The following EIF3B variants were observed in gnomAD, a reference collection of about 807,000 sequenced individuals.
EIF3B encodes eukaryotic translation initiation factor 3 subunit B, also known as eukaryotic translation initiation factor 3 subunit 9.
Under a neutral mutation model 104.6 loss-of-function variants are expected in EIF3B, and 10 were observed. That is an observed-to-expected ratio of 0.10 (90% CI 0.06 to 0.16). The LOEUF (loss-of-function observed/expected upper bound fraction) is 0.16, where lower values mean the gene tolerates loss of function less well. Among genes scored for constraint, EIF3B ranks in the 10% least tolerant of loss-of-function variants. The pLI is 1.00. For synonymous variants in EIF3B, 542 were observed against 417.2 expected, an observed-to-expected ratio of 1.30 and a Z score of -3.65; for missense variants, 1,014 against 1,087.9, an observed-to-expected ratio of 0.93 and a Z score of 0.96.
At chr7:2,375,189 CAT>C (rs1780566372) in intron 13 of EIF3B, 198 bp from the exon 14 acceptor site, 3 of 575,384 alleles carry the variant, frequency 5.2e-6, no homozygotes, top group Non-Finnish European at 9.3e-6. Context: ...TGATGGCAGT[CAT>C]ATGTAATACT....
chr7:2,369,087 CTTAA>C (rs1378891417), intron 9 of EIF3B, among the ~76,000 whole-genome samples: 1 of 152,156 alleles, frequency 6.6e-6, no homozygotes, highest in Admixed American at 6.5e-5. Context: ...CCATTTGCAC[CTTAA>C]TTAATCTTTA....
At chr7:2,362,075 TTAGCC>T (rs761363766) in intron 2 of EIF3B, among the ~76,000 whole-genome samples, 5 of 152,210 alleles carry the variant, frequency 3.3e-5, no homozygotes, top group Non-Finnish European at 5.9e-5. Context: ...TTCTCCTGCC[TTAGCC>T]TCCTGAGTAG....
intron 12 of EIF3B, 52 bp from the exon 13 acceptor site, chr7:2,374,476 C>A (rs534252645): frequency 2.5e-6 from 4 of 1,583,992 alleles, no homozygotes; most frequent in Non-Finnish European, 3.5e-6. Context: ...TTGGCTGCCC[C>A]GGCACTGTGG....
At chr7:2,366,076 T>G (rs1260085921) in intron 6 of EIF3B, among the ~76,000 whole-genome samples, 1 of 152,166 alleles carries the variant, frequency 6.6e-6, no homozygotes, top group East Asian at 1.9e-4. Flanking sequence ...CAGCCTTGTG[T>G]GGGATCGGTG....
chr7:2,375,910 G>C (rs755321602), intron 14 of EIF3B: 2 of 189,328 alleles, frequency 1.1e-5, no homozygotes, highest in Non-Finnish European at 2.2e-5. Flanking sequence ...CCCACAACTC[G>C]TATTCCAAAA....
chr7:2,363,865 T>C (rs1302031339), intron 5 of EIF3B, 105 bp downstream of exon 5: 1 of 1,352,698 alleles, frequency 7.4e-7, no homozygotes, highest in East Asian at 2.4e-5. Flanking sequence ...GGTGACGTTA[T>C]ATTTTCTTTG....
Position 2,355,013 on chromosome 7 carries a change from C to T in EIF3B, c.92C>T (p.Ala31Val), listed in dbSNP as rs1207362896. 4.2e-6 allele frequency: 5 copies of T among 1,183,212 alleles called. No homozygotes were observed. The South Asian group carries it at 2.0e-4, about 48-fold the overall frequency. The allele number at this position is 1,183,212 out of a possible 1,614,324, so 73.3% of individuals were successfully genotyped here. A position where few individuals can be genotyped will look rare whatever the true frequency, so the allele number is the denominator to read the frequency against. ...CAGCCGGCCGCCGAGCCGCCGCCAG[C>T]CGAGGGGCTGCTGCGGCCCGCGGGG... ...QQQPAAEPPPAEGLLRPAGPG... is the reference protein window; with the variant it reads ...QQQPAAEPPPVEGLLRPAGPG... The change falls in exon 1 of 19, where the codon GCC (alanine) becomes GTC (valine). Residue 31 changes from alanine to valine, a missense_variant. Physicochemically the swap from Ala to Val is moderately conservative, Grantham distance 64 (BLOSUM62 0). Around this residue, in one of 4 missense-constraint regions of EIF3B, gnomAD observed 488 missense variants for 404.3 expected, o/e 1.21. Coordinates refer to ENST00000360876, the MANE Select transcript of EIF3B (RefSeq NM_001037283.2).
At chr7:2,368,522 C>T (rs553425044) in intron 9 of EIF3B, among the ~76,000 whole-genome samples, 2 of 152,334 alleles carry the variant, frequency 1.3e-5, no homozygotes, top group South Asian at 4.1e-4. Context: ...AGCATTGGGC[C>T]CGCCACCCTT....
Position 2,354,964 on chromosome 7 carries a change from G to A in EIF3B, c.43G>A (p.Glu15Lys). ...ENVAVPEAAE[E>K]RAEPGQQQPA... is the part of the protein sequence containing the mutation. ...CGTGGCGGTGCCCGAGGCGGCCGAG[G>A]AGCGCGCCGAGCCCGGCCAGCAGCA... is the stretch of plus-strand genomic sequence containing the variant. The change falls in exon 1 of 19, where the codon GAG becomes AAG. Residue 15 changes from glutamate (E) to lysine (K), a missense_variant. Around this residue, in one of 4 missense-constraint regions of EIF3B, gnomAD observed 488 missense variants for 404.3 expected, o/e 1.21. Transcript: ENST00000360876. The A allele has an allele frequency of 8.3e-7, 1 of 1,211,756 alleles. No homozygotes were observed. Among genetic ancestry groups the A allele is most frequent in the Non-Finnish European group, 1.0e-6 (1 of 970,212 alleles). 75.1% of individuals were successfully genotyped at this position (1,211,756 alleles called of 1,614,324 possible). A position where few individuals can be genotyped will look rare whatever the true frequency, so the allele number is the denominator to read the frequency against.
intron 12 of EIF3B, 151 bp downstream of exon 12, chr7:2,372,946 G>A: frequency 1.2e-6 from 1 of 804,640 alleles, no homozygotes; most frequent in Non-Finnish European, 1.8e-6. Context: ...GCTGATGGAA[G>A]TGAGCGATGG....
Position 2,355,351 on chromosome 7 carries a change from G to C in EIF3B, c.430G>C (p.Glu144Gln). Reference protein sequence around the residue: ...RAAEAEPRALENGDADEPSFS... With the variant: ...RAAEAEPRALQNGDADEPSFS... ...GGCCGAGGCCGAACCCCGGGCGCTG[G>C]AGAACGGCGACGCGGACGAGCCCTC... The change falls in exon 1 of 19, where the codon GAG becomes CAG. Residue 144 changes from glutamate (E) to glutamine (Q), a missense_variant. Coordinates refer to ENST00000360876, the MANE Select transcript of EIF3B (RefSeq NM_001037283.2). 6.5e-7 allele frequency: 1 copy of C among 1,540,218 alleles called. No individual in the cohort carries two copies. Among genetic ancestry groups the C allele is most frequent in the Non-Finnish European group, 8.7e-7 (1 of 1,150,076 alleles).
rs181009490 is a variant in EIF3B, at chr7:2,367,186, A to T, written c.1403+141A>T. On this transcript the variant is annotated intron_variant, in intron 9 of 18. Coordinates refer to ENST00000360876, the MANE Select transcript of EIF3B (RefSeq NM_001037283.2). ...CTTTCTCCCAGTTCTGGAGCTTGGGAGCTTGAGGTCAGGGTGCCTGCAGAC... is the reference window on the plus strand; with the variant it reads ...CTTTCTCCCAGTTCTGGAGCTTGGGTGCTTGAGGTCAGGGTGCCTGCAGAC... 6.9e-4 allele frequency: 552 copies of T among 797,816 alleles called. 3 individuals are homozygous for T. The highest frequency in any genetic ancestry group is 3.2e-3 in the Admixed American group (114 of 35,808). 49.4% of individuals were successfully genotyped at this position (797,816 alleles called of 1,614,324 possible). A position where few individuals can be genotyped will look rare whatever the true frequency, so the allele number is the denominator to read the frequency against.
Position 2,374,566 on chromosome 7 carries a change from A to G in EIF3B, c.1849A>G (p.Ser617Gly). The G allele has an allele frequency of 6.2e-7, 1 of 1,614,032 alleles. No homozygotes were observed. Among genetic ancestry groups the G allele is most frequent in the Non-Finnish European group, 8.5e-7 (1 of 1,179,972 alleles). The change falls in exon 13 of 19, where the codon AGC (serine) becomes GGC (glycine). Residue 617 changes from serine (S) to glycine (G), a missense_variant. Physicochemically the swap from Ser to Gly is moderately conservative, Grantham distance 56. Around this residue, in one of 4 missense-constraint regions of EIF3B, gnomAD observed 266 missense variants for 324.0 expected, o/e 0.82. Coordinates refer to ENST00000360876, the MANE Select transcript of EIF3B (RefSeq NM_001037283.2). ...DKQQANTIFW[S>G]PQGQFVVLAG... ...GCAGCAGGCGAACACCATCTTCTGG[A>G]GCCCCCAAGGACAGTTCGTGGTGTT...
chr7:2,367,372 C>T (rs549464812), intron 9 of EIF3B, among the ~76,000 whole-genome samples: 121 of 148,152 alleles, frequency 8.2e-4, no homozygotes, highest in African/African-American at 2.9e-3. Flanking sequence ...CCCATGCCGT[C>T]ACCCCAGGGG....
Position 2,360,698 on chromosome 7 carries a change from T to C in EIF3B, c.500-12T>C. 6.4e-7 allele frequency: 1 copy of C among 1,563,698 alleles called. No homozygotes were observed. Among genetic ancestry groups the C allele is most frequent in the Non-Finnish European group, 8.7e-7 (1 of 1,148,122 alleles). On this transcript the variant is annotated splice_polypyrimidine_tract_variant and intron_variant, in intron 1 of 18. Transcript: ENST00000360876. ...GGTAAAAATGATCATTTGAAAAATC[T>C]CTCTTGTTCAGAATTACTGGGAGAT...
chr7:2,355,261 G>A lies in EIF3B; in HGVS notation c.340G>A (p.Asp114Asn), dbSNP rs751195596. ...CGAGGCCCCAGGAGAGCAGGCTCGG[G>A]ACGAGCGCTCCGACAGCCGGGCCCA... ...QGEAPGEQARDERSDSRAQAV... is the reference protein window; with the variant it reads ...QGEAPGEQARNERSDSRAQAV... The change falls in exon 1 of 19, where the codon GAC becomes AAC. Residue 114 changes from aspartate to asparagine, a missense_variant. By Grantham distance (23) the Asp-to-Asn change is conservative (BLOSUM62 1). Around this residue, in one of 4 missense-constraint regions of EIF3B, gnomAD observed 488 missense variants for 404.3 expected, o/e 1.21. Coordinates refer to ENST00000360876, the MANE Select transcript of EIF3B (RefSeq NM_001037283.2). The A allele has an allele frequency of 6.5e-7, 1 of 1,531,172 alleles. No individual in the cohort carries two copies. The highest frequency in any genetic ancestry group is 1.2e-5 in the South Asian group (1 of 83,482). The allele number at this position is 1,531,172 out of a possible 1,614,324, so 94.8% of individuals were successfully genotyped here.
In EIF3B at chr7:2,380,669, G is replaced by T. The variant is rs1400869395; in HGVS notation, c.*480G>T. The T allele has an allele frequency of 2.3e-5, 5 of 214,314 alleles. No homozygotes were observed. The highest frequency in any genetic ancestry group is 2.2e-4 in the Admixed American group (4 of 18,328). 13.3% of individuals were successfully genotyped at this position (214,314 alleles called of 1,614,324 possible). ...CACCGGGAGGGCGCCGCCATGCCTT[G>T]TACCCCCACCGTGCAGGTTGTGGCC... On this transcript the variant is annotated 3_prime_UTR_variant, in exon 19 of 19. Coordinates refer to ENST00000360876, the MANE Select transcript of EIF3B (RefSeq NM_001037283.2).
At chr7:2,364,019 T>C (rs977564474) in intron 5 of EIF3B, among the ~76,000 whole-genome samples, 1 of 152,234 alleles carries the variant, frequency 6.6e-6, no homozygotes, top group African/African-American at 2.4e-5. Context: ...CCCAGCACTT[T>C]GGGAGGCCAA....
chr7:2,376,860 G>T lies in EIF3B; in HGVS notation c.2029-90G>T. ...CTTTGTTTGCTTCACACGTGTCCCC[G>T]ATACCCAGGACCTTGTTCAGCAAGT... is the stretch of plus-strand genomic sequence containing the variant. On this transcript the variant is annotated intron_variant, in intron 14 of 18. Transcript: ENST00000360876. 5.2e-6 allele frequency: 8 copies of T among 1,531,014 alleles called. No individual in the cohort carries two copies. In the South Asian group the frequency reaches 8.8e-5, roughly 17 times the overall value. 94.8% of individuals were successfully genotyped at this position (1,531,014 alleles called of 1,614,324 possible).
Sources: gnomAD v4.1 joint callset for allele counts (sites outside exome capture counted in the v4.1 genomes callset) on GRCh38, gnomAD v4.1.1 for gene constraint, gnomAD v4.1.1 regional missense constraint, MANE v1.5 for transcripts, NCBI Gene and HGNC (gene_info 2026-07-23, HGNC 2026-07-21) for gene names.